The following ATF7IP2 variants were observed in gnomAD, a reference collection of about 807,000 sequenced individuals.
The protein encoded by ATF7IP2 is activating transcription factor 7-interacting protein 2.
A neutral mutation model predicts 64.2 loss-of-function variants in ATF7IP2; 42 were observed. The observed-to-expected ratio is 0.65, with a 90% CI of 0.51 to 0.85. ATF7IP2 has a LOEUF of 0.85. Among genes scored for constraint, ATF7IP2 ranks in the 40% least tolerant of loss-of-function variants. The pLI is 0.00. For missense variants in ATF7IP2, 933 were observed against 784.2 expected, an observed-to-expected ratio of 1.19 and a Z score of -2.27; for synonymous variants, 308 against 272.8, an observed-to-expected ratio of 1.13 and a Z score of -1.27.
At chr16:10,437,757 G>A (rs1217872229) in intron 6 of ATF7IP2, among the ~76,000 whole-genome samples, 2 of 152,098 alleles carry the variant, frequency 1.3e-5, no homozygotes, top group Admixed American at 6.6e-5. Context: ...ATACTAACTA[G>A]GAGTTATGGA....
intron 8 of ATF7IP2, chr16:10,447,966 G>C (rs1433708915): frequency 6.6e-6 from 1 of 152,160 alleles, no homozygotes; most frequent in African/African-American, 2.4e-5. Flanking sequence ...TAAGGAAGGG[G>C]TCCAGTTGCA....
intron 8 of ATF7IP2, among the ~76,000 whole-genome samples, chr16:10,452,556 G>T (rs1159827756): frequency 6.6e-6 from 1 of 152,168 alleles, no homozygotes; most frequent in African/African-American, 2.4e-5. Context: ...ACTGGGAGGT[G>T]TCTCCCAGTC....
chr16:10,395,624 A>G (rs1036617833), intron 1 of ATF7IP2, among the ~76,000 whole-genome samples: 5 of 152,210 alleles, frequency 3.3e-5, no homozygotes, highest in African/African-American at 1.2e-4. Context: ...AATGCAAAAT[A>G]AATTTCTCAT....
At chr16:10,410,336 TGTTTTGTTTTGTTTTGTTTTG>T (rs1460024916) in intron 1 of ATF7IP2, among the ~76,000 whole-genome samples, 3 of 136,928 alleles carry the variant, frequency 2.2e-5, no homozygotes, top group Non-Finnish European at 4.4e-5. Context: ...TGTTTTGTTT[TGTTTTGTTTTGTTTTGTTTTG>T]TTTTTGTTTT....
At chr16:10,419,437 T>A (rs2047948116) in intron 2 of ATF7IP2, 144 bp from the exon 3 acceptor site, 1 of 155,524 alleles carries the variant, frequency 6.4e-6, no homozygotes, top group South Asian at 2.0e-4. Context: ...GCCATAGAAG[T>A]GGTGGAAAAG....
chr16:10,409,579 A>G (rs377123055), intron 1 of ATF7IP2, among the ~76,000 whole-genome samples: 2 of 152,020 alleles, frequency 1.3e-5, no homozygotes, highest in Non-Finnish European at 2.9e-5. Flanking sequence ...GGCCCCTGCA[A>G]CCACGCCCAG....
At chr16:10,448,632 T>C (rs1011003256) in intron 8 of ATF7IP2, 1 of 152,214 alleles carries the variant, frequency 6.6e-6, no homozygotes, top group Non-Finnish European at 1.5e-5. Context: ...TTGCTGAAGT[T>C]GCTTATCAGC....
intron 1 of ATF7IP2, among the ~76,000 whole-genome samples, chr16:10,406,227 C>G (rs918360237): frequency 6.6e-6 from 1 of 152,186 alleles, no homozygotes; most frequent in Non-Finnish European, 1.5e-5. Flanking sequence ...CCATCTCAGC[C>G]TCTCGAGTAG....
intron 2 of ATF7IP2, among the ~76,000 whole-genome samples, 194 bp from the exon 3 acceptor site, chr16:10,419,387 T>G (rs1464631489): frequency 6.6e-6 from 1 of 152,136 alleles, no homozygotes; most frequent in East Asian, 1.9e-4. Context: ...AGAGCTATCA[T>G]TAGTGTATAC....
At chr16:10,417,995 GAC>G (rs925546838) in intron 2 of ATF7IP2, among the ~76,000 whole-genome samples, 9 of 152,180 alleles carry the variant, frequency 5.9e-5, no homozygotes, top group Non-Finnish European at 1.3e-4. Flanking sequence ...AGGAATTAAA[GAC>G]ACACACACAG....
intron 1 of ATF7IP2, chr16:10,387,143 G>T (rs975322780): frequency 2.6e-5 from 4 of 152,108 alleles, no homozygotes; most frequent in African/African-American, 9.7e-5. Flanking sequence ...ATTTATTGTA[G>T]CCAGTAAATG....
chr16:10,400,048 T>A (rs1217923114), intron 1 of ATF7IP2, among the ~76,000 whole-genome samples: 1 of 152,176 alleles, frequency 6.6e-6, no homozygotes, highest in African/African-American at 2.4e-5. Context: ...TTTTATTTAT[T>A]TATTTATTTT....
rs1383824494 is a variant in ATF7IP2, at chr16:10,437,726, A to C, written c.961-375A>C. Among the ~76,000 whole-genome samples, 10 of 152,322 alleles carry C rather than the reference A, an allele frequency of 6.6e-5. No homozygotes were observed. In the East Asian group the frequency reaches 1.2e-3, roughly 18 times the overall value. On this transcript the variant is annotated intron_variant, in intron 6 of 13. Transcript: ENST00000562102. ...TTCATCAGGTGCTGGTTTTCAGATA[A>C]GTAGAGTTCCTTTATATGGAATACT...
chr16:10,422,300 C>CT (rs2048002108), intron 3 of ATF7IP2, among the ~76,000 whole-genome samples: 1 of 152,146 alleles, frequency 6.6e-6, no homozygotes. Flanking sequence ...CTTGGCGGGA[C>CT]TTTGTCTTTC....
rs1428639052 is a variant in ATF7IP2 at position 10,430,593 on chromosome 16, T to C, written c.-10-18T>C. On this transcript the variant is annotated intron_variant, in intron 4 of 13. Coordinates refer to ENST00000562102, the MANE Select transcript of ATF7IP2 (RefSeq NM_001393719.1). ...TTCACTAGAGAAATGCATTTAAATATGATGTCTTAAATTCCAGGATATGAA... is the reference window on the plus strand; with the variant it reads ...TTCACTAGAGAAATGCATTTAAATACGATGTCTTAAATTCCAGGATATGAA... 7 of 1,483,484 alleles carry C rather than the reference T, an allele frequency of 4.7e-6. No individual in the cohort carries two copies. The allele number at this position is 1,483,484 out of a possible 1,614,324, so 91.9% of individuals were successfully genotyped here.
At chr16:10,468,718 G>A (rs866070244) in intron 9 of ATF7IP2, among the ~76,000 whole-genome samples, 1 of 152,190 alleles carries the variant, frequency 6.6e-6, no homozygotes, top group Non-Finnish European at 1.5e-5. Context: ...ATACAGATCT[G>A]TATGCAAAGG....
chr16:10,410,344 TTTG>T (rs1223884323), intron 1 of ATF7IP2, among the ~76,000 whole-genome samples: 1 of 148,590 alleles, frequency 6.7e-6, no homozygotes, highest in East Asian at 2.0e-4. Context: ...TTTGTTTTGT[TTTG>T]TTTTGTTTTG....
At chr16:10,387,712 T>A (rs2047229540) in intron 1 of ATF7IP2, 2 of 152,162 alleles carry the variant, frequency 1.3e-5, no homozygotes, top group African/African-American at 4.8e-5. Flanking sequence ...ATTGGATAGT[T>A]AAAAATAAAA....
intron 8 of ATF7IP2, among the ~76,000 whole-genome samples, chr16:10,450,487 A>T (rs768679872): frequency 7.2e-5 from 11 of 152,156 alleles, no homozygotes; most frequent in Non-Finnish European, 1.3e-4. Flanking sequence ...TTGCTTTATG[A>T]ATCTGGGTGT....
Sources: allele counts gnomAD v4.1 joint callset (sites outside exome capture counted in the v4.1 genomes callset), GRCh38; gene constraint gnomAD v4.1.1; transcripts MANE v1.5; gene names NCBI Gene and HGNC (gene_info 2026-07-23, HGNC 2026-07-21).